The following ATF3 variants were observed in gnomAD, a reference collection of about 807,000 sequenced individuals.
ATF3 encodes the protein cyclic AMP-dependent transcription factor ATF-3.
Under a neutral mutation model 18.4 loss-of-function variants are expected in ATF3, and 10 were observed. That is an observed-to-expected ratio of 0.54 (90% CI 0.34 to 0.92). ATF3 has a LOEUF of 0.92. Ranked by LOEUF, ATF3 falls within the 40% of genes least tolerant of loss-of-function variation. The probability of loss-of-function intolerance (pLI) is 0.02; values close to 1 mark genes in which losing one functional copy is unlikely to be tolerated. For synonymous variants in ATF3, 78 were observed against 87.9 expected, an observed-to-expected ratio of 0.89 and a Z score of 0.63; for missense variants, 183 against 222.3, an observed-to-expected ratio of 0.82 and a Z score of 1.12.
At chr1:212,608,464 G>A (rs1298890220), upstream of ATF3, among the ~76,000 whole-genome samples, 1 of 152,160 alleles carries the variant, frequency 6.6e-6, no homozygotes, top group East Asian at 1.9e-4. Flanking sequence ...TATCCCGGGC[G>A]GCTCCGGTCC....
At chr1:212,566,839 C>T (rs1051928359) in intron 1 of ATF3, among the ~76,000 whole-genome samples, 7 of 152,154 alleles carry the variant, frequency 4.6e-5, no homozygotes, top group African/African-American at 1.7e-4. Flanking sequence ...GGATGCACCT[C>T]CTGCACTGCT....
chr1:212,600,189 A>G (rs1261282818), intron 1 of ATF3, among the ~76,000 whole-genome samples: 1 of 152,136 alleles, frequency 6.6e-6, no homozygotes, highest in East Asian at 1.9e-4. Flanking sequence ...CTCCATGGGC[A>G]TCTTCCTCTC....
intron 1 of ATF3, among the ~76,000 whole-genome samples, chr1:212,579,152 C>T (rs1466613923): frequency 3.3e-5 from 5 of 151,894 alleles, no homozygotes; most frequent in East Asian, 1.9e-4. Flanking sequence ...GCTGGGATTA[C>T]GGGCATGCAC....
At position 212,580,156 on chromosome 1, in the gene ATF3, C is replaced by CA. The variant is rs368461154; in HGVS notation, c.-5+14682dup. ...CTGGTGACAAAGCTAGACTCCGTCT[C>CA]AAAAAAAAAGAAAGAAAGAAACAGT... On this transcript the variant is annotated intron_variant, in intron 1 of 3. Coordinates refer to the ATF3 transcript ENST00000366981. Among the ~76,000 whole-genome samples, 19 of 148,542 alleles carry CA rather than the reference C, an allele frequency of 1.3e-4. 1 individual carries two copies. The highest frequency in any genetic ancestry group is 3.3e-4 in the Admixed American group (5 of 14,962).
At chr1:212,600,025 G>T (rs1224944895) in intron 1 of ATF3, among the ~76,000 whole-genome samples, 2 of 152,242 alleles carry the variant, frequency 1.3e-5, no homozygotes, top group Admixed American at 1.3e-4. Context: ...GGGGAAAAAG[G>T]CTATTTTAAT....
In ATF3 at chr1:212,618,879, C is replaced by A; in HGVS notation, c.349-479C>A. 1 of 849,374 alleles carries A rather than the reference C, an allele frequency of 1.2e-6. No individual in the cohort carries two copies. Among genetic ancestry groups the A allele is most frequent in the Non-Finnish European group, 1.9e-6 (1 of 529,804 alleles). 52.6% of individuals were successfully genotyped at this position (849,374 alleles called of 1,614,324 possible). ...GGACAGGCCATGACAGAGTCTTAGC[C>A]CAAGTCCCACAGATCCCCAAAAGTT... On this transcript the variant is annotated intron_variant, in intron 3 of 3. Coordinates refer to ENST00000341491, the MANE Select transcript of ATF3 (RefSeq NM_001674.4). This position sits in a 1 kb window ranked among gnomAD's most constrained non-coding sequence, Gnocchi z 4.4.
chr1:212,576,008 C>G (rs995171062), intron 1 of ATF3, among the ~76,000 whole-genome samples: 1 of 151,968 alleles, frequency 6.6e-6, no homozygotes, highest in Non-Finnish European at 1.5e-5. Context: ...CTTCCTTTTT[C>G]CTCCTACCCT....
chr1:212,584,845 C>T (rs1188326894), intron 1 of ATF3, among the ~76,000 whole-genome samples: 1 of 152,166 alleles, frequency 6.6e-6, no homozygotes, highest in African/African-American at 2.4e-5. Context: ...GTACGGCTCC[C>T]GGGCCACCTG....
intron 1 of ATF3, among the ~76,000 whole-genome samples, chr1:212,583,572 G>A (rs905848703): frequency 2.9e-5 from 4 of 139,862 alleles, no homozygotes; most frequent in Non-Finnish European, 6.6e-5. Flanking sequence ...ATATTTTATT[G>A]GATCCTGTTG....
intron 1 of ATF3, among the ~76,000 whole-genome samples, chr1:212,571,856 A>G (rs890957931): frequency 6.6e-6 from 1 of 151,400 alleles, no homozygotes. Context: ...GGACTGCAGG[A>G]GCCCGCCACC....
At chr1:212,589,136 G>A (rs1327171157) in intron 1 of ATF3, among the ~76,000 whole-genome samples, 6 of 152,162 alleles carry the variant, frequency 3.9e-5, no homozygotes, top group East Asian at 1.9e-4. Flanking sequence ...CTGTGGCCGG[G>A]TGGAGAAATG....
intron 1 of ATF3, among the ~76,000 whole-genome samples, chr1:212,590,035 A>G (rs1664852799): frequency 6.6e-6 from 1 of 152,186 alleles, no homozygotes; most frequent in Non-Finnish European, 1.5e-5. Context: ...GTACTTAAGC[A>G]GTAAGTGTAT....
In ATF3 at chr1:212,620,116, CTT is replaced by C. The variant is rs1272463453; in HGVS notation, c.*564_*565del. 4.4e-5 allele frequency: 7 copies of C among 157,774 alleles called. No individual in the cohort carries two copies. The highest frequency in any genetic ancestry group is 1.7e-4 in the African/African-American group (7 of 41,500). 9.8% of individuals were successfully genotyped at this position (157,774 alleles called of 1,614,324 possible). ...TTTGTGTCACACAACACTGATGTGA[CTT>C]TTATATGCTTTTTCTCAGATCTGGT... On this transcript the variant is annotated 3_prime_UTR_variant, in exon 4 of 4. Coordinates refer to ENST00000341491, the MANE Select transcript of ATF3 (RefSeq NM_001674.4).
At chr1:212,601,950 T>C (rs1654495410) in intron 1 of ATF3, among the ~76,000 whole-genome samples, 1 of 152,158 alleles carries the variant, frequency 6.6e-6, no homozygotes, top group Non-Finnish European at 1.5e-5. Flanking sequence ...TAGGTGTATA[T>C]ATTTATTGGG....
At chr1:212,575,431 ATG>A (rs1664556438) in intron 1 of ATF3, among the ~76,000 whole-genome samples, 1 of 152,054 alleles carries the variant, frequency 6.6e-6, no homozygotes. Flanking sequence ...TTCTAAGAGT[ATG>A]TGAATGTTCT....
chr1:212,568,519 C>T (rs755592350), intron 1 of ATF3, among the ~76,000 whole-genome samples: 1 of 152,174 alleles, frequency 6.6e-6, no homozygotes, highest in Non-Finnish European at 1.5e-5. Context: ...TGAGTGATCT[C>T]TTCCTCCTGG....
chr1:212,595,449 C>T (rs561788818), intron 1 of ATF3, among the ~76,000 whole-genome samples: 37 of 152,388 alleles, frequency 2.4e-4, no homozygotes, highest in African/African-American at 8.4e-4. Context: ...GCTCCCGCAG[C>T]TCAGTGGCTC....
chr1:212,569,723 A>AT (rs1253832239), intron 1 of ATF3, among the ~76,000 whole-genome samples: 2 of 151,612 alleles, frequency 1.3e-5, no homozygotes, highest in Admixed American at 6.6e-5. Flanking sequence ...AATTAATGTA[A>AT]TTTTTTTAAT....
intron 1 of ATF3, among the ~76,000 whole-genome samples, chr1:212,592,746 C>T (rs1217283748): frequency 1.3e-5 from 2 of 151,988 alleles, no homozygotes; most frequent in Non-Finnish European, 2.9e-5. Context: ...TCTATTACAT[C>T]ACAGCAAGAG....
Sources: gnomAD v4.1 joint callset for allele counts (sites outside exome capture counted in the v4.1 genomes callset) on GRCh38, gnomAD v4.1.1 for gene constraint, Gnocchi (gnomAD v3.1) non-coding constraint, MANE v1.5 for transcripts, NCBI Gene and HGNC (gene_info 2026-07-23, HGNC 2026-07-21) for gene names.